Variants in NCOA2 observed in about 807,000 individuals in gnomAD.
NCOA2 encodes the protein class E basic helix-loop-helix protein 75.
Under a neutral mutation model 145.1 loss-of-function variants are expected in NCOA2, and 21 were observed. The ratio of observed to expected loss-of-function variants is 0.14; its 90% CI spans 0.10 to 0.21. The LOEUF (loss-of-function observed/expected upper bound fraction) is 0.21. Among genes scored for constraint, NCOA2 ranks in the 10% least tolerant of loss-of-function variants. The probability of loss-of-function intolerance (pLI) is 1.00; values close to 1 mark genes in which losing one functional copy is unlikely to be tolerated. For missense variants in NCOA2, 1,472 were observed against 1,837.6 expected, an observed-to-expected ratio of 0.80 and a Z score of 3.64; for synonymous variants, 619 against 637.5, an observed-to-expected ratio of 0.97 and a Z score of 0.44.
chr8:70,329,422 T>C (rs945987160), intron 1 of NCOA2, among the ~76,000 whole-genome samples: 6 of 152,122 alleles, frequency 3.9e-5, no homozygotes, highest in Non-Finnish European at 7.4e-5. Flanking sequence ...TTTTTATTTT[T>C]TAATTTTTTG....
chr8:70,319,546 A>ATAAC (rs1805880449), intron 1 of NCOA2, among the ~76,000 whole-genome samples: 1 of 151,776 alleles, frequency 6.6e-6, no homozygotes. Flanking sequence ...TCAAAAATAA[A>ATAAC]TAAATAAATA....
At chr8:70,227,504 T>TA (rs1392202621) in intron 2 of NCOA2, among the ~76,000 whole-genome samples, 22 of 152,216 alleles carry the variant, frequency 1.4e-4, no homozygotes, top group African/African-American at 5.1e-4. Context: ...TCTACAGTGG[T>TA]AAAAAATAAC....
chr8:70,368,783 C>A (rs1343151106), intron 1 of NCOA2, among the ~76,000 whole-genome samples: 1 of 152,128 alleles, frequency 6.6e-6, no homozygotes, highest in Non-Finnish European at 1.5e-5. Flanking sequence ...TTCTGTTGGG[C>A]CGTAAGGGTG....
At chr8:70,347,566 G>A (rs1208534251) in intron 1 of NCOA2, among the ~76,000 whole-genome samples, 2 of 152,048 alleles carry the variant, frequency 1.3e-5, no homozygotes, top group Non-Finnish European at 2.9e-5. Flanking sequence ...TGAGGTAAGA[G>A]GATCACTTGA....
chr8:70,378,395 G>A lies in NCOA2; in HGVS notation c.-77+25305C>T, dbSNP rs116141262. Among the ~76,000 whole-genome samples, 881 of 152,222 alleles carry A rather than the reference G, an allele frequency of 5.8e-3. 10 individuals are homozygous for A. Among genetic ancestry groups the A allele is most frequent in the African/African-American group, 0.02 (835 of 41,500 alleles). ...GCTTGGCTCTAAATTGAGGGAAGTA[G>A]AGTCATAGGTAGAAATGGGAAGGAA... is the stretch of plus-strand genomic sequence containing the variant. On this transcript the variant is annotated intron_variant, in intron 1 of 22. Transcript: ENST00000452400.
chr8:70,336,153 T>C (rs891766223), intron 1 of NCOA2, among the ~76,000 whole-genome samples: 2 of 152,182 alleles, frequency 1.3e-5, no homozygotes, highest in Admixed American at 1.3e-4. Context: ...GGCAGCATGG[T>C]AGGTTTGTTT....
intron 4 of NCOA2, among the ~76,000 whole-genome samples, chr8:70,188,801 GAAAGA>G (rs1273186454): frequency 7.2e-5 from 11 of 152,204 alleles, no homozygotes; most frequent in African/African-American, 1.4e-4. Flanking sequence ...AAACTTACAA[GAAAGA>G]AAAGTATATT....
chr8:70,139,680 TCTCA>T (rs1435762443), intron 14 of NCOA2, among the ~76,000 whole-genome samples: 1 of 119,580 alleles, frequency 8.4e-6, no homozygotes, highest in African/African-American at 3.5e-5. Context: ...TGAGGAGGAG[TCTCA>T]CTCTGTTGCC....
At position 70,274,185 on chromosome 8, in the gene NCOA2, G is replaced by GTA. The variant is rs1229877159; in HGVS notation, c.-20+22557_-20+22558dup. ...ATCACAGTGTAGTGTAACACAGGTGGTATAAAGTTCTCATGTTTGGAAAAA... is the reference window on the plus strand; with the variant it reads ...ATCACAGTGTAGTGTAACACAGGTGGTATATAAAGTTCTCATGTTTGGAAAAA... On this transcript the variant is annotated intron_variant, in intron 2 of 22. Transcript: ENST00000452400. Among the ~76,000 whole-genome samples, 55 of 148,144 alleles carry GTA rather than the reference G, an allele frequency of 3.7e-4. 1 individual carries two copies. The highest frequency in any genetic ancestry group is 3.5e-3 in the Admixed American group (52 of 14,930).
In NCOA2 at chr8:70,231,995, G is replaced by A. The variant is rs530080213; in HGVS notation, c.-19-15231C>T. ...GTGTGGATGAACTAATGAGTATCCCGCAGGTCCTTGTCTGTCAACTCCAAC... is the reference window on the plus strand; with the variant it reads ...GTGTGGATGAACTAATGAGTATCCCACAGGTCCTTGTCTGTCAACTCCAAC... On this transcript the variant is annotated intron_variant, in intron 2 of 22. Transcript: ENST00000452400. Among the ~76,000 whole-genome samples, 11 of 152,196 alleles carry A rather than the reference G, an allele frequency of 7.2e-5. No individual in the cohort carries two copies. In the South Asian group the frequency reaches 1.7e-3, roughly 23 times the overall value.
At chr8:70,259,925 C>A (rs1190819863) in intron 2 of NCOA2, among the ~76,000 whole-genome samples, 1 of 152,156 alleles carries the variant, frequency 6.6e-6, no homozygotes, top group East Asian at 1.9e-4. Context: ...TGTACTGAGT[C>A]CCTGATTCGG....
intron 11 of NCOA2, among the ~76,000 whole-genome samples, chr8:70,155,264 G>C (rs1402132435): frequency 6.6e-6 from 1 of 151,932 alleles, no homozygotes; most frequent in African/African-American, 2.4e-5. Context: ...TTATACCAGT[G>C]GTCTAAGAAA....
At chr8:70,345,821 G>A (rs184488355) in intron 1 of NCOA2, among the ~76,000 whole-genome samples, 5 of 152,184 alleles carry the variant, frequency 3.3e-5, no homozygotes, top group South Asian at 2.1e-4. Flanking sequence ...AAGTTCAGGC[G>A]GTCAGCTAGC....
At chr8:70,361,527 C>T (rs1372162690) in intron 1 of NCOA2, among the ~76,000 whole-genome samples, 1 of 151,908 alleles carries the variant, frequency 6.6e-6, no homozygotes, top group Non-Finnish European at 1.5e-5. Context: ...AAAAAAATAA[C>T]ATGTATGAAA....
In NCOA2 at chr8:70,320,099, C is replaced by T. The variant is rs188122461; in HGVS notation, c.-76-23299G>A. Among the ~76,000 whole-genome samples, 445 of 152,128 alleles carry T rather than the reference C, an allele frequency of 2.9e-3. 1 individual carries two copies. Among genetic ancestry groups the T allele is most frequent in the Non-Finnish European group, 3.9e-3 (267 of 67,960 alleles). ...AAATTTTAAAATTCCTTTGCAGTAACGTGAAATCTTAAATAGATATTCATG... is the reference window on the plus strand; with the variant it reads ...AAATTTTAAAATTCCTTTGCAGTAATGTGAAATCTTAAATAGATATTCATG... On this transcript the variant is annotated intron_variant, in intron 1 of 22. Transcript: ENST00000452400.
intron 2 of NCOA2, among the ~76,000 whole-genome samples, chr8:70,243,477 T>A (rs1183784200): frequency 6.6e-6 from 1 of 152,078 alleles, no homozygotes; most frequent in Non-Finnish European, 1.5e-5. Context: ...GTCTTCATGT[T>A]CCCATATTGT....
At chr8:70,166,956 T>C (rs1178318547) in intron 6 of NCOA2, among the ~76,000 whole-genome samples, 1 of 152,208 alleles carries the variant, frequency 6.6e-6, no homozygotes, top group Admixed American at 6.5e-5. Context: ...GATTTTCTTT[T>C]TTCCAATTTT....
intron 4 of NCOA2, among the ~76,000 whole-genome samples, chr8:70,184,795 C>T (rs1477803477): frequency 6.6e-6 from 1 of 152,166 alleles, no homozygotes; most frequent in Non-Finnish European, 1.5e-5. Flanking sequence ...ATGAAGCTTG[C>T]AAGGCTTCAC....
intron 7 of NCOA2, among the ~76,000 whole-genome samples, chr8:70,163,849 G>A (rs569439217): frequency 2.6e-5 from 4 of 151,928 alleles, no homozygotes; most frequent in East Asian, 1.9e-4. Context: ...ACACTAAAAC[G>A]TTAATAATCT....
Sources: gnomAD v4.1 joint callset for allele counts (sites outside exome capture counted in the v4.1 genomes callset) on GRCh38, gnomAD v4.1.1 for gene constraint, MANE v1.5 for transcripts, NCBI Gene and HGNC (gene_info 2026-07-23, HGNC 2026-07-21) for gene names.